ATF2: variants seen among roughly 807,000 people sequenced by gnomAD.
ATF2 encodes activating transcription factor 2.
Under a neutral mutation model 60.6 loss-of-function variants are expected in ATF2, and 24 were observed. That is an observed-to-expected ratio of 0.40 (90% CI 0.29 to 0.56). ATF2 has a LOEUF of 0.56. Among genes scored for constraint, ATF2 ranks in the 20% least tolerant of loss-of-function variants. The pLI is 0.54. For missense variants in ATF2, 433 were observed against 607.7 expected, an observed-to-expected ratio of 0.71 and a Z score of 3.02; for synonymous variants, 206 against 215.4, an observed-to-expected ratio of 0.96 and a Z score of 0.38.
chr2:175,123,855 C>A (rs1697136087), intron 4 of ATF2, among the ~76,000 whole-genome samples: 1 of 151,978 alleles, frequency 6.6e-6, no homozygotes, highest in Admixed American at 6.6e-5. Context: ...TACAAAAACA[C>A]TGCAAAAGAC....
intron 11 of ATF2, among the ~76,000 whole-genome samples, chr2:175,096,226 C>A (rs1202216026): frequency 6.6e-6 from 1 of 152,138 alleles, no homozygotes; most frequent in African/African-American, 2.4e-5. Context: ...TAATCCTTTA[C>A]TAGAAAGAAT....
rs60122560 is a variant in ATF2, at chr2:175,135,006, TAAAAAAAAAAAAAA to T, written c.32+1392_32+1405del. ...GTGACAAAATAAGACCCCATCTCTT[TAAAAAAAAAAAAAA>T]AAAAAAAAAAAAGACCATCCTGGCT... On this transcript the variant is annotated intron_variant, in intron 3 of 13. Transcript: ENST00000264110. Among the ~76,000 whole-genome samples the T allele has an allele frequency of 5.8e-5, 5 of 85,786 alleles. No homozygotes were observed. The South Asian group carries it at 1.5e-3, about 26-fold the overall frequency. 56.3% of individuals were successfully genotyped at this position (85,786 alleles called of 152,430 possible). A position where few individuals can be genotyped will look rare whatever the true frequency, so the allele number is the denominator to read the frequency against.
chr2:175,126,787 G>C (rs1386289258), intron 4 of ATF2: 1 of 152,108 alleles, frequency 6.6e-6, no homozygotes, highest in African/African-American at 2.4e-5. Context: ...GTCAAAACTA[G>C]TCTTTGTCCA....
At chr2:175,148,693 A>G (rs1453330959) in intron 2 of ATF2, among the ~76,000 whole-genome samples, 1 of 152,218 alleles carries the variant, frequency 6.6e-6, no homozygotes, top group African/African-American at 2.4e-5. Context: ...AAACATTTAC[A>G]GTCTATTCTC....
chr2:175,122,521 A>G (rs1697034392), intron 4 of ATF2, among the ~76,000 whole-genome samples: 1 of 151,972 alleles, frequency 6.6e-6, no homozygotes, highest in South Asian at 2.1e-4. Flanking sequence ...TCCTTCCCCT[A>G]CCCAATTCAC....
chr2:175,139,350 G>C (rs138230195), intron 2 of ATF2, among the ~76,000 whole-genome samples: 1 of 152,242 alleles, frequency 6.6e-6, no homozygotes, highest in Non-Finnish European at 1.5e-5. Context: ...TCTTGGAGAA[G>C]CTACCAACCT....
chr2:175,125,916 G>A (rs981633962), intron 4 of ATF2, among the ~76,000 whole-genome samples: 3 of 152,048 alleles, frequency 2.0e-5, no homozygotes, highest in African/African-American at 7.2e-5. Context: ...AATATGCTGT[G>A]ATATTCCCAC....
At chr2:175,107,705 G>A (rs564155066) in intron 10 of ATF2, among the ~76,000 whole-genome samples, 4 of 152,226 alleles carry the variant, frequency 2.6e-5, no homozygotes, top group African/African-American at 9.6e-5. Flanking sequence ...GCCTGCGATT[G>A]CAGGCGCGCG....
At chr2:175,133,206 T>C (rs59348319) in intron 3 of ATF2, among the ~76,000 whole-genome samples, 14,066 of 152,172 alleles carry the variant, frequency 0.092, 687 homozygotes, top group Middle Eastern at 0.17. Flanking sequence ...TCATGAAGAA[T>C]TGTAATTAAG....
intron 13 of ATF2, 59 bp downstream of exon 13, chr2:175,080,601 C>T (rs1198679459): frequency 1.6e-6 from 2 of 1,285,450 alleles, no homozygotes; most frequent in East Asian, 2.4e-5. Context: ...CAGCTCAGTT[C>T]ACTCTGACGG....
chr2:175,144,893 A>C (rs142128729), intron 2 of ATF2, among the ~76,000 whole-genome samples: 1 of 152,320 alleles, frequency 6.6e-6, no homozygotes, highest in African/African-American at 2.4e-5. Context: ...TGGAGAGGAA[A>C]GGTGAGTGCC....
intron 2 of ATF2, among the ~76,000 whole-genome samples, chr2:175,146,458 T>C (rs1020423883): frequency 3.3e-5 from 5 of 152,232 alleles, no homozygotes; most frequent in African/African-American, 1.2e-4. Context: ...ACAGAATGTC[T>C]TATTGTAGAA....
intron 4 of ATF2, among the ~76,000 whole-genome samples, chr2:175,129,528 G>A (rs764722751): frequency 2.0e-5 from 3 of 151,778 alleles, no homozygotes; most frequent in East Asian, 1.9e-4. Context: ...TTTATGGTCC[G>A]TATATTTAAG....
chr2:175,110,516 C>T (rs376499322), intron 10 of ATF2, among the ~76,000 whole-genome samples: 28 of 152,056 alleles, frequency 1.8e-4, no homozygotes, highest in African/African-American at 6.0e-4. Context: ...TGATATAGAA[C>T]GTTAACATCT....
At chr2:175,132,243 C>T (rs1325758787) in intron 3 of ATF2, among the ~76,000 whole-genome samples, 1 of 152,204 alleles carries the variant, frequency 6.6e-6, no homozygotes, top group African/African-American at 2.4e-5. Context: ...TTTTATTGTG[C>T]TTAGCTTTAT....
chr2:175,107,995 T>A (rs887703511), intron 10 of ATF2, among the ~76,000 whole-genome samples: 1 of 151,904 alleles, frequency 6.6e-6, no homozygotes, highest in Non-Finnish European at 1.5e-5. Context: ...CCACCCCGTC[T>A]GGGAAGTGAG....
chr2:175,074,622 G>T lies in ATF2; in HGVS notation c.1505C>A (p.Pro502His). 1 of 1,612,260 alleles carries T rather than the reference G, an allele frequency of 6.2e-7. No individual in the cohort carries two copies. Among genetic ancestry groups the T allele is most frequent in the Non-Finnish European group, 8.5e-7 (1 of 1,179,228 alleles). ...IVMAPSSQSQ[P>H]SGS Reference sequence around the variant, plus strand: ...GCAGGTTTTTAATCAACTTCCTGAGGGCTGTGACTGGGAGGAAGGAGCCAT... The same window carrying T: ...GCAGGTTTTTAATCAACTTCCTGAGTGCTGTGACTGGGAGGAAGGAGCCAT... Residue 502 changes from proline (P) to histidine (H), a missense_variant, in exon 14 of 14, where the codon CCC becomes CAC. Pro to His is a moderately conservative substitution (Grantham distance 77, BLOSUM62 -2). Around this residue, in one of 5 missense-constraint regions of ATF2, gnomAD observed 114 missense variants for 104.0 expected, o/e 1.10. Coordinates refer to ENST00000264110, the MANE Select transcript of ATF2 (RefSeq NM_001880.4).
chr2:175,084,377 G>A (rs1021961819), intron 12 of ATF2, among the ~76,000 whole-genome samples: 12 of 150,718 alleles, frequency 8.0e-5, no homozygotes, highest in African/African-American at 2.4e-4. Context: ...ATCATTCTCC[G>A]TAAACTATCG....
intron 9 of ATF2, among the ~76,000 whole-genome samples, chr2:175,112,385 A>AACG (rs1297570593): frequency 6.6e-6 from 1 of 151,974 alleles, no homozygotes; most frequent in Non-Finnish European, 1.5e-5. Flanking sequence ...CATTTTGAAC[A>AACG]AAGTTCTTTT....
Sources: allele counts gnomAD v4.1 joint callset (sites outside exome capture counted in the v4.1 genomes callset), GRCh38; gene constraint gnomAD v4.1.1; regional missense constraint gnomAD v4.1.1; transcripts MANE v1.5; gene names NCBI Gene and HGNC (gene_info 2026-07-23, HGNC 2026-07-21).